The following CALN1 variants were observed in gnomAD, a reference collection of about 807,000 sequenced individuals.
CALN1 encodes calneuron 1.
In CALN1, 17 loss-of-function variants were observed where a neutral mutation model predicts 30.6. The ratio of observed to expected loss-of-function variants is 0.56; its 90% CI spans 0.38 to 0.83. The LOEUF (loss-of-function observed/expected upper bound fraction) is 0.83. CALN1 is among the 40% of genes least tolerant of loss of function. The probability of loss-of-function intolerance (pLI) is 0.00; values close to 1 mark genes in which losing one functional copy is unlikely to be tolerated. For synonymous variants in CALN1, 156 were observed against 131.4 expected (o/e 1.19, Z -1.28); for missense variants, 291 against 354.9 (o/e 0.82, Z 1.45).
At chr7:72,417,173 C>T (rs1474648302), upstream of CALN1, among the ~76,000 whole-genome samples, 1 of 152,176 alleles carries the variant, frequency 6.6e-6, no homozygotes, top group East Asian at 1.9e-4. Flanking sequence ...TGAGAAGCAC[C>T]ACTGCTGTTT....
At chr7:72,279,574 A>G (rs1370341122) in intron 2 of CALN1, among the ~76,000 whole-genome samples, 1 of 152,250 alleles carries the variant, frequency 6.6e-6, no homozygotes. Context: ...ATGGTCATCA[A>G]TGGGGCTTAG....
chr7:72,257,078 T>G (rs1795963071), intron 3 of CALN1, among the ~76,000 whole-genome samples: 1 of 152,082 alleles, frequency 6.6e-6, no homozygotes, highest in Admixed American at 6.6e-5. Context: ...CTCAAGAAAC[T>G]TACAATCATG....
chr7:72,128,138 A>G (rs1182186703), intron 3 of CALN1, among the ~76,000 whole-genome samples: 1 of 152,204 alleles, frequency 6.6e-6, no homozygotes, highest in African/African-American at 2.4e-5. Flanking sequence ...TTCATCCTAA[A>G]AAAGAAGAGA....
chr7:72,133,230 G>A (rs1322320907), intron 3 of CALN1, among the ~76,000 whole-genome samples: 3 of 151,998 alleles, frequency 2.0e-5, no homozygotes, highest in Non-Finnish European at 2.9e-5. Context: ...AGAAATGTTC[G>A]TAATTTATTG....
chr7:72,317,120 AAAAG>A (rs1389001770), intron 2 of CALN1, among the ~76,000 whole-genome samples: 10 of 84,370 alleles, frequency 1.2e-4, no homozygotes, highest in South Asian at 9.4e-4. Flanking sequence ...GGGAGGGAGA[AAAAG>A]AAAGAAAGGG....
intron 6 of CALN1, among the ~76,000 whole-genome samples, chr7:71,806,273 C>CACACACATGCACACAA (rs140985723): frequency 6.7e-6 from 1 of 149,798 alleles, no homozygotes; most frequent in South Asian, 2.1e-4. Flanking sequence ...CACACACAAA[C>CACACACATGCACACAA]ACACACACAC....
chr7:71,835,871 T>C (rs1159598612), intron 5 of CALN1, among the ~76,000 whole-genome samples: 1 of 152,192 alleles, frequency 6.6e-6, no homozygotes, highest in Non-Finnish European at 1.5e-5. Flanking sequence ...AATCATTATA[T>C]GTGGGGACAG....
chr7:71,840,840 T>C (rs1474939606), intron 5 of CALN1, among the ~76,000 whole-genome samples: 1 of 152,162 alleles, frequency 6.6e-6, no homozygotes, highest in Non-Finnish European at 1.5e-5. Flanking sequence ...TTCATGGTAA[T>C]ATATGATAGC....
At chr7:71,880,231 C>A (rs1335013848) in intron 5 of CALN1, among the ~76,000 whole-genome samples, 1 of 152,156 alleles carries the variant, frequency 6.6e-6, no homozygotes, top group Admixed American at 6.5e-5. Flanking sequence ...AGCTCATCAA[C>A]CTAAAGTGAA....
At chr7:71,788,488 G>GTTTTTTTTTTTTTTTTTTTTTT (rs1454582383) in intron 6 of CALN1, among the ~76,000 whole-genome samples, 1 of 120,452 alleles carries the variant, frequency 8.3e-6, no homozygotes, top group Non-Finnish European at 1.7e-5. Flanking sequence ...GTTTTTTTTT[G>GTTTTTTTTTTTTTTTTTTTTTT]TTGTTTTTTT....
At chr7:72,239,130 C>T (rs1794673111) in intron 3 of CALN1, among the ~76,000 whole-genome samples, 1 of 152,202 alleles carries the variant, frequency 6.6e-6, no homozygotes, top group Admixed American at 6.5e-5. Flanking sequence ...GGAAAAGTGG[C>T]TCATGCCTGT....
chr7:72,032,052 CTTTTTTTTTTT>C (rs1184047697), intron 4 of CALN1, among the ~76,000 whole-genome samples: 4 of 66,576 alleles, frequency 6.0e-5, no homozygotes, highest in South Asian at 5.6e-4. Context: ...TGGCTCCTGG[CTTTTTTTTTTT>C]TTTTTTTTTT....
chr7:71,788,042 C>G (rs1456776587), intron 6 of CALN1, 140 bp from the exon 7 acceptor site: 5 of 1,135,440 alleles, frequency 4.4e-6, no homozygotes, highest in Non-Finnish European at 3.7e-6. Flanking sequence ...CTGGTCAAAT[C>G]AAGTTGACAG....
intron 4 of CALN1, among the ~76,000 whole-genome samples, chr7:72,082,233 A>G (rs566210846): frequency 6.6e-6 from 1 of 152,142 alleles, no homozygotes; most frequent in South Asian, 2.1e-4. Context: ...TGATCTGCCC[A>G]CCTCACCCTC....
In CALN1 at chr7:71,781,553, G is replaced by A. The variant is rs1474806193; in HGVS notation, c.*6222C>T. The stretch of plus-strand genomic sequence containing the variant: ...AGACCTTCAGAGGACAGCATCTGCA[G>A]CCCTTTAAGAACTTTCTTTGTCTCC... On this transcript the variant is annotated 3_prime_UTR_variant, in exon 7 of 7. Transcript: ENST00000395275. The A allele has an allele frequency of 6.6e-6, 1 of 152,034 alleles. No homozygotes were observed. The highest frequency in any genetic ancestry group is 1.5e-5 in the Non-Finnish European group (1 of 68,052). 9.4% of individuals were successfully genotyped at this position (152,034 alleles called of 1,614,324 possible).
At chr7:72,128,280 G>A (rs374049891) in intron 3 of CALN1, among the ~76,000 whole-genome samples, 25 of 152,206 alleles carry the variant, frequency 1.6e-4, no homozygotes, top group African/African-American at 6.0e-4. Context: ...TTAGAAATTG[G>A]TCTGTATGCA....
intron 3 of CALN1, among the ~76,000 whole-genome samples, chr7:72,276,559 A>C (rs1047023121): frequency 5.3e-5 from 8 of 151,726 alleles, no homozygotes; most frequent in Non-Finnish European, 1.0e-4. Context: ...CAGTGCTAAG[A>C]GGTGGGATGG....
chr7:72,278,453 G>A (rs1797497407), intron 3 of CALN1, among the ~76,000 whole-genome samples: 2 of 147,132 alleles, frequency 1.4e-5, no homozygotes, highest in Admixed American at 6.9e-5. Context: ...ACCATAGATT[G>A]CTCAGGCTAT....
In CALN1 at chr7:71,804,616, C is replaced by T. The variant is rs552812217; in HGVS notation, c.658+5720G>A. 3.9e-5 allele frequency among the ~76,000 whole-genome samples: 6 copies of T among 152,162 alleles called. No individual in the cohort carries two copies. The East Asian group carries it at 7.7e-4, about 20-fold the overall frequency. On this transcript the variant is annotated intron_variant, in intron 6 of 6. Coordinates refer to ENST00000395275, the MANE Select transcript of CALN1 (RefSeq NM_031468.4). ...GGAGGATCACTTGATGTCAGGAGTT[C>T]GAGATCAGCCTGGACAACATGGCAA...
Sources: gnomAD v4.1 joint callset for allele counts (sites outside exome capture counted in the v4.1 genomes callset) on GRCh38, gnomAD v4.1.1 for gene constraint, MANE v1.5 for transcripts, NCBI Gene and HGNC (gene_info 2026-07-23, HGNC 2026-07-21) for gene names.